The following TMEM132D variants were observed in gnomAD, a reference collection of about 807,000 sequenced individuals.
TMEM132D encodes the protein mature OL transmembrane protein.
TMEM132D carries 21 observed loss-of-function variants against 62.3 expected under a neutral mutation model. The ratio of observed to expected loss-of-function variants is 0.34; its 90% CI spans 0.24 to 0.49. The LOEUF (loss-of-function observed/expected upper bound fraction) is 0.49. Ranked by LOEUF, TMEM132D falls within the 20% of genes least tolerant of loss-of-function variation. The probability of loss-of-function intolerance (pLI) is 0.99; values close to 1 mark genes in which losing one functional copy is unlikely to be tolerated. For synonymous variants in TMEM132D, 621 were observed against 575.6 expected, an observed-to-expected ratio of 1.08 and a Z score of -1.13; for missense variants, 1,346 against 1,402.8, an observed-to-expected ratio of 0.96 and a Z score of 0.65.
chr12:129,701,872 T>G (rs905596493), intron 1 of TMEM132D, among the ~76,000 whole-genome samples: 3 of 152,222 alleles, frequency 2.0e-5, no homozygotes, highest in South Asian at 2.1e-4. Context: ...TCTGGAAGCC[T>G]GATGCCTTCC....
chr12:129,682,143 G>A (rs1880793283), intron 2 of TMEM132D, among the ~76,000 whole-genome samples: 1 of 152,128 alleles, frequency 6.6e-6, no homozygotes. Context: ...GTCAACATCA[G>A]CCCTCTTGGA....
intron 2 of TMEM132D, among the ~76,000 whole-genome samples, chr12:129,630,949 A>T (rs192272001): frequency 1.3e-5 from 2 of 152,284 alleles, no homozygotes; most frequent in Admixed American, 6.5e-5. Flanking sequence ...AAGTGAGAAC[A>T]TAAGGTACTT....
At chr12:129,612,416 C>G (rs155727) in intron 2 of TMEM132D, among the ~76,000 whole-genome samples, 2,624 of 152,104 alleles carry the variant, frequency 0.017, 88 homozygotes, top group African/African-American at 0.06. Flanking sequence ...CTTGGGGGAC[C>G]AAGAATTGTT....
intron 3 of TMEM132D, among the ~76,000 whole-genome samples, chr12:129,462,754 CTAAT>C (rs1873722110): frequency 6.6e-6 from 1 of 152,118 alleles, no homozygotes; most frequent in South Asian, 2.1e-4. Context: ...ATTATTTTGT[CTAAT>C]TAATAATTTC....
At chr12:129,225,902 T>C (rs973757782) in intron 4 of TMEM132D, among the ~76,000 whole-genome samples, 2 of 152,164 alleles carry the variant, frequency 1.3e-5, no homozygotes, top group Non-Finnish European at 2.9e-5. Context: ...AGCATCTCAC[T>C]GCAGTCAGTA....
chr12:129,297,298 C>A (rs1000906819), intron 4 of TMEM132D, among the ~76,000 whole-genome samples: 1 of 152,152 alleles, frequency 6.6e-6, no homozygotes. Flanking sequence ...TCATCCTGAC[C>A]CCCACAGGCC....
Position 129,640,301 on chromosome 12 carries a change from T to C in TMEM132D, c.968+59509A>G, listed in dbSNP as rs192543565. ...GGAAAAAAAAGCCACAGACACAACA[T>C]AAAAGCGTGGATTTTCATAAAATCC... On this transcript the variant is annotated intron_variant, in intron 2 of 8. Coordinates refer to ENST00000422113, the MANE Select transcript of TMEM132D (RefSeq NM_133448.3). Among the ~76,000 whole-genome samples the C allele has an allele frequency of 2.3e-3, 342 of 151,644 alleles. 3 individuals are homozygous for C. The Middle Eastern group carries it at 0.048, about 21-fold the overall frequency.
chr12:129,613,201 T>C (rs1878821994), intron 2 of TMEM132D, among the ~76,000 whole-genome samples: 1 of 152,192 alleles, frequency 6.6e-6, no homozygotes, highest in Admixed American at 6.5e-5. Context: ...AACTGCCAAG[T>C]CACTGCCTTG....
chr12:129,666,414 T>A (rs1880381067), intron 2 of TMEM132D, among the ~76,000 whole-genome samples: 1 of 146,328 alleles, frequency 6.8e-6, no homozygotes, highest in Non-Finnish European at 1.5e-5. Flanking sequence ...TAGAAACTAA[T>A]GCCTCTGTTC....
chr12:129,454,925 G>A (rs1345921725), intron 3 of TMEM132D, among the ~76,000 whole-genome samples: 4 of 152,280 alleles, frequency 2.6e-5, no homozygotes, highest in African/African-American at 4.8e-5. Flanking sequence ...ACAACCAAAT[G>A]TAAGTGGAAG....
chr12:129,798,560 T>C (rs1871633933), intron 1 of TMEM132D, among the ~76,000 whole-genome samples: 2 of 152,318 alleles, frequency 1.3e-5, no homozygotes, highest in African/African-American at 2.4e-5. Context: ...TCCTCTACCA[T>C]ACACTAATCT....
intron 5 of TMEM132D, among the ~76,000 whole-genome samples, chr12:129,093,556 C>A: frequency 6.6e-6 from 1 of 152,224 alleles, no homozygotes; most frequent in African/African-American, 2.4e-5. Context: ...AATGGAAGAA[C>A]ATCCCATGCT....
intron 1 of TMEM132D, among the ~76,000 whole-genome samples, chr12:129,841,616 C>A (rs1348442755): frequency 6.6e-6 from 1 of 152,116 alleles, no homozygotes; most frequent in Non-Finnish European, 1.5e-5. Context: ...TAAACTTTTG[C>A]CCTAAGTTCT....
At chr12:129,559,349 T>C (rs1359213171) in intron 2 of TMEM132D, among the ~76,000 whole-genome samples, 1 of 152,210 alleles carries the variant, frequency 6.6e-6, no homozygotes, top group Non-Finnish European at 1.5e-5. Flanking sequence ...CTTTGAATGG[T>C]TTTGCATAGC....
At chr12:129,390,033 G>A (rs1457868373) in intron 3 of TMEM132D, among the ~76,000 whole-genome samples, 1 of 152,188 alleles carries the variant, frequency 6.6e-6, no homozygotes, top group African/African-American at 2.4e-5. Context: ...GCGTTTTGTT[G>A]TCATCCTGTC....
chr12:129,092,380 G>A (rs1874955209), intron 5 of TMEM132D, among the ~76,000 whole-genome samples: 1 of 146,068 alleles, frequency 6.8e-6, no homozygotes, highest in Non-Finnish European at 1.5e-5. Flanking sequence ...AAACTTTGCA[G>A]AAGTAGACAT....
intron 5 of TMEM132D, among the ~76,000 whole-genome samples, chr12:129,197,681 A>G (rs150276295): frequency 6.6e-6 from 1 of 152,366 alleles, no homozygotes; most frequent in East Asian, 1.9e-4. Flanking sequence ...GAAACTGCAA[A>G]ACTACTAGAA....
chr12:129,237,136 C>T lies in TMEM132D; in HGVS notation c.1300-27473G>A, dbSNP rs192827687. Among the ~76,000 whole-genome samples, 26 of 152,114 alleles carry T rather than the reference C, an allele frequency of 1.7e-4. No individual in the cohort carries two copies. The East Asian group carries it at 4.8e-3, about 28-fold the overall frequency. ...ATTGAATACAGTTTGCTAGTATTTT[C>T]TTGAGGATTTTTGCATCTACATTCC... On this transcript the variant is annotated intron_variant, in intron 4 of 8. Transcript: ENST00000422113.
intron 5 of TMEM132D, among the ~76,000 whole-genome samples, chr12:129,115,044 G>A (rs746101411): frequency 1.3e-5 from 2 of 152,264 alleles, no homozygotes; most frequent in Non-Finnish European, 1.5e-5. Context: ...ATACCTAGGC[G>A]TGGAAAGGGT....
Sources: allele counts gnomAD v4.1 joint callset (sites outside exome capture counted in the v4.1 genomes callset), GRCh38; gene constraint gnomAD v4.1.1; transcripts MANE v1.5; gene names NCBI Gene and HGNC (gene_info 2026-07-23, HGNC 2026-07-21).